The following SGCD variants were observed in gnomAD, a reference collection of about 807,000 sequenced individuals.
SGCD encodes delta-sarcoglycan.
Under a neutral mutation model 36.6 loss-of-function variants are expected in SGCD, and 18 were observed. The ratio of observed to expected loss-of-function variants is 0.49; its 90% CI spans 0.34 to 0.73. The LOEUF (loss-of-function observed/expected upper bound fraction) is 0.73. SGCD is among the 30% of genes least tolerant of loss of function. The pLI is 0.01. For synonymous variants in SGCD, 133 were observed against 130.6 expected (o/e 1.02, Z -0.12); for missense variants, 387 against 346.7 (o/e 1.12, Z -0.92).
chr5:156,232,935 C>CA (rs1765057119), intron 3 of SGCD, among the ~76,000 whole-genome samples: 1 of 152,100 alleles, frequency 6.6e-6, no homozygotes, highest in South Asian at 2.1e-4. Context: ...TTTATGTACA[C>CA]AAAACAAGTG....
At chr5:156,045,471 C>T (rs144824500) in intron 1 of SGCD, among the ~76,000 whole-genome samples, 3 of 152,240 alleles carry the variant, frequency 2.0e-5, no homozygotes, top group Non-Finnish European at 2.9e-5. Context: ...GACTGACTTG[C>T]GTAAATCAGT....
intron 3 of SGCD, among the ~76,000 whole-genome samples, chr5:156,290,372 A>T (rs1463193681): frequency 1.3e-5 from 2 of 152,150 alleles, no homozygotes; most frequent in Non-Finnish European, 2.9e-5. Flanking sequence ...ATCTGTGATC[A>T]TTGCCTGGTT....
At chr5:155,818,771 C>T in the SGCD span, among the ~76,000 whole-genome samples, 1 of 152,176 alleles carries the variant, frequency 6.6e-6, no homozygotes, top group South Asian at 2.1e-4. Context: ...TCCTCCCACC[C>T]TGGCCTCCCA....
At chr5:156,501,983 A>G (rs1278577495) in intron 3 of SGCD, among the ~76,000 whole-genome samples, 1 of 151,560 alleles carries the variant, frequency 6.6e-6, no homozygotes, top group East Asian at 1.9e-4. Context: ...GGAAAATAAG[A>G]TATTGTCTGT....
At chr5:156,714,282 A>G (rs112846989) in intron 7 of SGCD, among the ~76,000 whole-genome samples, 123 of 152,304 alleles carry the variant, frequency 8.1e-4, no homozygotes, top group African/African-American at 2.8e-3. Context: ...TTCATGGTCT[A>G]TTGATTGCCA....
chr5:156,332,594 A>G (rs970855586), intron 2 of SGCD, among the ~76,000 whole-genome samples: 3 of 152,186 alleles, frequency 2.0e-5, no homozygotes, highest in Non-Finnish European at 2.9e-5. Context: ...CACATAGGAG[A>G]GAAGTTAGGG....
At chr5:156,713,825 A>C (rs929763748) in intron 7 of SGCD, among the ~76,000 whole-genome samples, 19 of 152,160 alleles carry the variant, frequency 1.2e-4, no homozygotes, top group Non-Finnish European at 2.5e-4. Context: ...GTATTTTCCC[A>C]ACTAAACAAG....
chr5:156,072,693 G>T (rs1353976350), intron 1 of SGCD, among the ~76,000 whole-genome samples: 1 of 152,124 alleles, frequency 6.6e-6, no homozygotes, highest in Non-Finnish European at 1.5e-5. Context: ...GCTAGAATGG[G>T]GAAGTTCTCC....
At chr5:155,941,244 C>A (rs1757320032) in intron 1 of SGCD, among the ~76,000 whole-genome samples, 1 of 152,202 alleles carries the variant, frequency 6.6e-6, no homozygotes, top group African/African-American at 2.4e-5. Context: ...ATAACCTAAC[C>A]ACATCTTATT....
At chr5:156,513,202 G>A (rs577375469) in intron 4 of SGCD, among the ~76,000 whole-genome samples, 5 of 152,294 alleles carry the variant, frequency 3.3e-5, no homozygotes, top group East Asian at 1.9e-4. Flanking sequence ...CTCTCTTTAA[G>A]CACAGAGGTT....
intron 4 of SGCD, among the ~76,000 whole-genome samples, chr5:156,569,823 T>C (rs1759645010): frequency 6.6e-6 from 1 of 152,124 alleles, no homozygotes; most frequent in Admixed American, 6.6e-5. Context: ...GGAAGGTATG[T>C]GGATTGTTTG....
chr5:156,496,929 G>A (rs1756219225), intron 3 of SGCD, among the ~76,000 whole-genome samples: 1 of 152,126 alleles, frequency 6.6e-6, no homozygotes, highest in Admixed American at 6.6e-5. Flanking sequence ...TGTGTTGTCT[G>A]TTACTGTAGT....
chr5:156,101,941 TGAGAGAGAGAGA>T (rs67401229), intron 1 of SGCD, among the ~76,000 whole-genome samples: 2 of 138,266 alleles, frequency 1.4e-5, no homozygotes, highest in Admixed American at 7.3e-5. Flanking sequence ...TGTGTGTGTG[TGAGAGAGAGAGA>T]GAGAGAGAGA....
chr5:156,300,654 A>G (rs1767030822), intron 3 of SGCD, among the ~76,000 whole-genome samples: 1 of 152,042 alleles, frequency 6.6e-6, no homozygotes, highest in Non-Finnish European at 1.5e-5. Context: ...GTTTAAGTCC[A>G]GAGTTTCTTT....
chr5:155,968,010 T>G (rs1381003390), intron 1 of SGCD, among the ~76,000 whole-genome samples: 1 of 152,124 alleles, frequency 6.6e-6, no homozygotes, highest in East Asian at 1.9e-4. Context: ...GAAGTTTGGA[T>G]TTCTTCCCTC....
intron 3 of SGCD, among the ~76,000 whole-genome samples, chr5:156,157,312 A>G (rs1283349223): frequency 1.3e-5 from 2 of 151,704 alleles, no homozygotes; most frequent in South Asian, 4.1e-4. Flanking sequence ...TATTACTTTC[A>G]CTGTTTTTCA....
chr5:156,426,147 T>C (rs970682329), intron 3 of SGCD, among the ~76,000 whole-genome samples: 8 of 152,070 alleles, frequency 5.3e-5, no homozygotes, highest in African/African-American at 1.9e-4. Context: ...CTGTTTTCAA[T>C]AGTGGTTATA....
intron 1 of SGCD, among the ~76,000 whole-genome samples, chr5:156,082,634 A>T (rs1223811443): frequency 6.6e-6 from 1 of 152,226 alleles, no homozygotes; most frequent in East Asian, 1.9e-4. Flanking sequence ...TTCTTGAATG[A>T]CATCTGGCCT....
intron 1 of SGCD, among the ~76,000 whole-genome samples, chr5:156,029,401 G>A (rs1307193240): frequency 6.6e-6 from 1 of 152,084 alleles, no homozygotes; most frequent in Non-Finnish European, 1.5e-5. Context: ...TAGTTGTCTT[G>A]TCATCCATCC....
Sources: allele counts gnomAD v4.1 joint callset (sites outside exome capture counted in the v4.1 genomes callset), GRCh38; gene constraint gnomAD v4.1.1; transcripts MANE v1.5; gene names NCBI Gene and HGNC (gene_info 2026-07-23, HGNC 2026-07-21).